Variants in PPP1R16B observed in about 807,000 individuals in gnomAD.
PPP1R16B encodes protein phosphatase 1 regulatory inhibitor subunit 16B.
Under a neutral mutation model 61.7 loss-of-function variants are expected in PPP1R16B, and 14 were observed. That is an observed-to-expected ratio of 0.23 (90% CI 0.15 to 0.35). PPP1R16B has a LOEUF of 0.35. PPP1R16B is among the 10% of genes least tolerant of loss of function. The probability of loss-of-function intolerance (pLI) is 1.00; values close to 1 mark genes in which losing one functional copy is unlikely to be tolerated. For missense variants in PPP1R16B, 547 were observed against 752.5 expected (o/e 0.73, Z 3.19); for synonymous variants, 266 against 305.3 (o/e 0.87, Z 1.34).
At chr20:38,877,966 T>G (rs1190493287) in intron 2 of PPP1R16B, among the ~76,000 whole-genome samples, 3 of 148,642 alleles carry the variant, frequency 2.0e-5, no homozygotes, top group Non-Finnish European at 4.5e-5. Context: ...TTTTTTTTTT[T>G]TTTTTTTTTT....
chr20:38,909,988 A>AT (rs1248529911), intron 10 of PPP1R16B, among the ~76,000 whole-genome samples: 1 of 151,700 alleles, frequency 6.6e-6, no homozygotes, highest in Non-Finnish European at 1.5e-5. Flanking sequence ...TTATTTTTTT[A>AT]TTTTTTTATG....
chr20:38,915,610 G>A (rs1206058526), intron 10 of PPP1R16B, among the ~76,000 whole-genome samples: 3 of 152,162 alleles, frequency 2.0e-5, no homozygotes, highest in Non-Finnish European at 2.9e-5. Context: ...TCAGCCTCCT[G>A]AGTAGCTAGG....
chr20:38,887,777 T>C (rs978906259), intron 2 of PPP1R16B, among the ~76,000 whole-genome samples: 3 of 152,258 alleles, frequency 2.0e-5, no homozygotes, highest in Non-Finnish European at 4.4e-5. Flanking sequence ...ATACTGGCTA[T>C]GCATACTGGG....
chr20:38,850,326 C>G (rs1277371444), intron 2 of PPP1R16B, among the ~76,000 whole-genome samples: 1 of 152,128 alleles, frequency 6.6e-6, no homozygotes, highest in Non-Finnish European at 1.5e-5. Flanking sequence ...TGGACTGACA[C>G]TTGGTATTAT....
At chr20:38,835,338 C>G (rs1217893291) in intron 1 of PPP1R16B, among the ~76,000 whole-genome samples, 1 of 152,164 alleles carries the variant, frequency 6.6e-6, no homozygotes, top group Non-Finnish European at 1.5e-5. Flanking sequence ...ATGTCCTGAC[C>G]CTCCCTGCAC....
intron 2 of PPP1R16B, among the ~76,000 whole-genome samples, chr20:38,877,073 A>G (rs147723385): frequency 1.1e-3 from 167 of 152,326 alleles, no homozygotes; most frequent in African/African-American, 3.8e-3. Context: ...AAATTCCTCA[A>G]AGATACCAGC....
At chr20:38,876,132 C>T (rs932333209) in intron 2 of PPP1R16B, among the ~76,000 whole-genome samples, 2 of 151,936 alleles carry the variant, frequency 1.3e-5, no homozygotes, top group African/African-American at 4.8e-5. Context: ...ACCACCATGC[C>T]CAGCTAAATT....
At chr20:38,846,596 A>G (rs1347056243) in intron 2 of PPP1R16B, among the ~76,000 whole-genome samples, 3 of 152,224 alleles carry the variant, frequency 2.0e-5, no homozygotes, top group East Asian at 3.8e-4. Context: ...GACCTCATAT[A>G]TCCTATCATG....
intron 2 of PPP1R16B, among the ~76,000 whole-genome samples, chr20:38,870,953 C>T (rs1026665229): frequency 3.9e-5 from 6 of 152,134 alleles, no homozygotes; most frequent in Non-Finnish European, 8.8e-5. Context: ...CAGTTTACTG[C>T]AGTCCTGCAG....
In PPP1R16B at chr20:38,894,530, C is replaced by T. The variant is rs866375206; in HGVS notation, c.322-1035C>T. ...TCAGAGGAGCAGTTGTTTTTAAAAGCAATTCTGATCATGCTCCCCTTCGTA... is the reference window on the plus strand; with the variant it reads ...TCAGAGGAGCAGTTGTTTTTAAAAGTAATTCTGATCATGCTCCCCTTCGTA... On this transcript the variant is annotated intron_variant, in intron 3 of 10. Transcript: ENST00000299824. 2.0e-5 allele frequency among the ~76,000 whole-genome samples: 3 copies of T among 152,232 alleles called. No individual in the cohort carries two copies. In the South Asian group the frequency reaches 6.2e-4, roughly 31 times the overall value.
At chr20:38,829,274 C>T (rs575716186) in intron 1 of PPP1R16B, among the ~76,000 whole-genome samples, 3 of 152,336 alleles carry the variant, frequency 2.0e-5, no homozygotes, top group Non-Finnish European at 2.9e-5. Flanking sequence ...TTCATCCACC[C>T]AGATGTTAGA....
chr20:38,853,200 A>G lies in PPP1R16B; in HGVS notation c.250+17025A>G, dbSNP rs1319911817. 5.3e-5 allele frequency among the ~76,000 whole-genome samples: 8 copies of G among 152,150 alleles called. No individual in the cohort carries two copies. In the East Asian group the frequency reaches 1.5e-3, roughly 29 times the overall value. ...TCGCCAAAGCTGGAGCATCACATGG[A>G]GGAACACTGGGGTTTGAAAAACAGG... On this transcript the variant is annotated intron_variant, in intron 2 of 10. Coordinates refer to ENST00000299824, the MANE Select transcript of PPP1R16B (RefSeq NM_015568.4).
At position 38,905,953 on chromosome 20, in the gene PPP1R16B, C is replaced by T. The variant is rs750053948; in HGVS notation, c.697-16C>T. 3.1e-6 allele frequency: 5 copies of T among 1,610,630 alleles called. No homozygotes were observed. Among genetic ancestry groups the T allele is most frequent in the Non-Finnish European group, 4.2e-6 (5 of 1,178,624 alleles). The stretch of plus-strand genomic sequence containing the variant: ...CTGATCCCCTGAGGAATGCTCACTT[C>T]TTTCCTCTCCTCCAGCTGCACATAG... On this transcript the variant is annotated splice_polypyrimidine_tract_variant and intron_variant, in intron 6 of 10. Transcript: ENST00000299824.
At chr20:38,834,450 T>G (rs1467935300) in intron 1 of PPP1R16B, among the ~76,000 whole-genome samples, 1 of 152,224 alleles carries the variant, frequency 6.6e-6, no homozygotes, top group Non-Finnish European at 1.5e-5. Flanking sequence ...ATAGAGTCCG[T>G]GCTGAAGACC....
intron 1 of PPP1R16B, among the ~76,000 whole-genome samples, chr20:38,820,324 C>T (rs1037002377): frequency 2.6e-5 from 4 of 152,092 alleles, no homozygotes; most frequent in East Asian, 3.9e-4. Flanking sequence ...TTTGGGAGGC[C>T]GAGGCGAGCG....
chr20:38,881,825 G>C (rs2085205611), intron 2 of PPP1R16B, among the ~76,000 whole-genome samples: 1 of 152,076 alleles, frequency 6.6e-6, no homozygotes, highest in African/African-American at 2.4e-5. Context: ...TAACATCTGT[G>C]TCCATCCTGT....
At chr20:38,889,879 C>T (rs766772587) in intron 3 of PPP1R16B, among the ~76,000 whole-genome samples, 121 of 152,372 alleles carry the variant, frequency 7.9e-4, no homozygotes, top group Middle Eastern at 3.4e-3. Flanking sequence ...CGCCCGCAGA[C>T]GCGACTGCAC....
chr20:38,846,094 C>T (rs2084934163), intron 2 of PPP1R16B, among the ~76,000 whole-genome samples: 1 of 151,826 alleles, frequency 6.6e-6, no homozygotes, highest in Non-Finnish European at 1.5e-5. Flanking sequence ...CTGGGAAGAT[C>T]GGAGTAGGAG....
At chr20:38,874,171 T>C (rs980195844) in intron 2 of PPP1R16B, among the ~76,000 whole-genome samples, 1 of 152,218 alleles carries the variant, frequency 6.6e-6, no homozygotes, top group East Asian at 1.9e-4. Flanking sequence ...TCTTGGAGAC[T>C]GACCACAATG....
Sources: allele counts gnomAD v4.1 joint callset (sites outside exome capture counted in the v4.1 genomes callset), GRCh38; gene constraint gnomAD v4.1.1; transcripts MANE v1.5; gene names NCBI Gene and HGNC (gene_info 2026-07-23, HGNC 2026-07-21).